Variants in ATRN observed in about 807,000 individuals in gnomAD.
The protein encoded by ATRN is attractin-2.
A neutral mutation model predicts 178.7 loss-of-function variants in ATRN; 54 were observed. That is an observed-to-expected ratio of 0.30 (90% CI 0.24 to 0.38). The LOEUF is 0.38. Among genes scored for constraint, ATRN ranks in the 10% least tolerant of loss-of-function variants. ATRN has a pLI of 1.00. For missense variants in ATRN, 1,443 were observed against 1,815.1 expected, an observed-to-expected ratio of 0.79 and a Z score of 3.73; for synonymous variants, 636 against 663.0, an observed-to-expected ratio of 0.96 and a Z score of 0.63.
At chr20:3,524,736 A>G (rs1332146232) in intron 1 of ATRN, among the ~76,000 whole-genome samples, 1 of 152,266 alleles carries the variant, frequency 6.6e-6, no homozygotes, top group African/African-American at 2.4e-5. Context: ...CAATCAAATT[A>G]GAACTCAGGA....
At chr20:3,599,321 G>C (rs1279526736) in intron 22 of ATRN, among the ~76,000 whole-genome samples, 1 of 152,032 alleles carries the variant, frequency 6.6e-6, no homozygotes, top group Non-Finnish European at 1.5e-5. Flanking sequence ...TATACTTCAT[G>C]CCATTAATGT....
At chr20:3,507,172 C>T (rs534213461) in intron 1 of ATRN, among the ~76,000 whole-genome samples, 6 of 150,882 alleles carry the variant, frequency 4.0e-5, no homozygotes, top group South Asian at 4.2e-4. Context: ...TTTGGGAGGC[C>T]GAGGTGGGTG....
At chr20:3,513,118 T>C (rs1331863076) in intron 1 of ATRN, among the ~76,000 whole-genome samples, 6 of 152,322 alleles carry the variant, frequency 3.9e-5, no homozygotes, top group African/African-American at 1.4e-4. Context: ...TTTAATTAGA[T>C]CCCATTTGTC....
intron 1 of ATRN, among the ~76,000 whole-genome samples, chr20:3,472,957 T>G (rs911833175): frequency 9.9e-5 from 15 of 152,264 alleles, no homozygotes; most frequent in African/African-American, 3.6e-4. Flanking sequence ...ATATTAGGTC[T>G]TCTGAGGAAC....
intron 23 of ATRN, among the ~76,000 whole-genome samples, chr20:3,603,301 C>T (rs1469366308): frequency 6.6e-6 from 1 of 151,922 alleles, no homozygotes; most frequent in Non-Finnish European, 1.5e-5. Context: ...GGGAGTCTGG[C>T]GCATTGCCAA....
chr20:3,559,121 G>T (rs975974234), intron 6 of ATRN, among the ~76,000 whole-genome samples: 1 of 152,136 alleles, frequency 6.6e-6, no homozygotes, highest in African/African-American at 2.4e-5. Context: ...GATTTAGACT[G>T]TGTATAGAAG....
chr20:3,540,129 ATAT>A (rs1465206427), intron 2 of ATRN, 90 bp from the exon 3 acceptor site: 1 of 691,228 alleles, frequency 1.4e-6, no homozygotes, highest in African/African-American at 1.8e-5. Flanking sequence ...ACTGTGTTAC[ATAT>A]TATTAATTTA....
intron 1 of ATRN, among the ~76,000 whole-genome samples, chr20:3,526,457 C>T (rs1419967785): frequency 1.3e-5 from 2 of 152,154 alleles, no homozygotes; most frequent in Non-Finnish European, 1.5e-5. Flanking sequence ...AAATGGAAAA[C>T]ATTCCATGCT....
intron 24 of ATRN, among the ~76,000 whole-genome samples, chr20:3,620,334 C>T (rs1270664628): frequency 6.6e-6 from 1 of 152,152 alleles, no homozygotes. Context: ...AACCTCTCCA[C>T]CTCCTGGGTT....
chr20:3,494,608 GAA>G (rs2084852709), intron 1 of ATRN, among the ~76,000 whole-genome samples: 1 of 152,160 alleles, frequency 6.6e-6, no homozygotes, highest in Non-Finnish European at 1.5e-5. Flanking sequence ...TGAAGGTAAA[GAA>G]AGAGTCAATA....
intron 1 of ATRN, 36 bp downstream of exon 1, chr20:3,471,553 C>G: frequency 7.3e-7 from 1 of 1,375,028 alleles, no homozygotes; most frequent in Non-Finnish European, 9.3e-7. Flanking sequence ...TCGGGTCCAA[C>G]CAGAGGCTGG....
intron 24 of ATRN, among the ~76,000 whole-genome samples, chr20:3,607,647 A>G (rs370267312): frequency 2.6e-5 from 4 of 152,186 alleles, no homozygotes; most frequent in African/African-American, 7.2e-5. Flanking sequence ...GGTTGATTCC[A>G]TGTCTTCACT....
At chr20:3,539,951 G>A (rs1298698727) in intron 2 of ATRN, among the ~76,000 whole-genome samples, 2 of 152,162 alleles carry the variant, frequency 1.3e-5, no homozygotes, top group Non-Finnish European at 2.9e-5. Flanking sequence ...AAGGGCTAAT[G>A]GGTTGGTTCA....
chr20:3,474,749 C>T (rs993253620), intron 1 of ATRN, among the ~76,000 whole-genome samples: 1 of 146,752 alleles, frequency 6.8e-6, no homozygotes, highest in Non-Finnish European at 1.5e-5. Context: ...AAATTTTAGT[C>T]GAGGCCAAGC....
At chr20:3,485,914 C>G (rs1235573967) in intron 1 of ATRN, among the ~76,000 whole-genome samples, 2 of 152,072 alleles carry the variant, frequency 1.3e-5, no homozygotes, top group Non-Finnish European at 2.9e-5. Flanking sequence ...GCCACCCCGC[C>G]CAGCCTGAAT....
chr20:3,624,542 AC>A lies in ATRN; in HGVS notation c.3835del (p.Leu1279TrpfsTer6), dbSNP rs753650283. ...IAFSQHSNFMDLVQFFVTFFS... is the reference protein window; with the variant it reads ...IAFSQHSNFMXLVQFFVTFFS... ...TTCTCTCAGCACAGCAATTTTATGG[AC>A]CTGGTACAGTTCTTCGTGACTTTCT... On this transcript the variant is annotated frameshift_variant, in exon 25 of 29. Transcript: ENST00000262919. LOFTEE classifies it high-confidence loss of function. The A allele has an allele frequency of 6.2e-7, 1 of 1,614,010 alleles. No homozygotes were observed. The highest frequency in any genetic ancestry group is 8.5e-7 in the Non-Finnish European group (1 of 1,179,962).
chr20:3,596,646 A>G (rs771888722), intron 21 of ATRN, among the ~76,000 whole-genome samples: 2 of 152,228 alleles, frequency 1.3e-5, no homozygotes, highest in Admixed American at 1.3e-4. Context: ...TAATGTGTCC[A>G]TAGCAGATAG....
chr20:3,576,731 A>ATCTATCTATCTATCTG (rs1329490773), intron 13 of ATRN, 128 bp from the exon 14 acceptor site: 8 of 733,664 alleles, frequency 1.1e-5, no homozygotes, highest in South Asian at 3.6e-5. Context: ...CTATCTATCT[A>ATCTATCTATCTATCTG]TCTGTCTATC....
intron 1 of ATRN, among the ~76,000 whole-genome samples, chr20:3,482,088 G>A (rs975690432): frequency 6.6e-6 from 1 of 151,696 alleles, no homozygotes; most frequent in African/African-American, 2.4e-5. Context: ...TTTAAAAAAT[G>A]TATCCTGTTT....
Sources: gnomAD v4.1 joint callset for allele counts (sites outside exome capture counted in the v4.1 genomes callset) on GRCh38, gnomAD v4.1.1 for gene constraint, MANE v1.5 for transcripts, NCBI Gene and HGNC (gene_info 2026-07-23, HGNC 2026-07-21) for gene names.